KLHL32: variants seen among roughly 807,000 people sequenced by gnomAD.
KLHL32 encodes the protein kelch like family member 32, also known as kelch-like protein 32.
Under a neutral mutation model 64.8 loss-of-function variants are expected in KLHL32, and 35 were observed. That is an observed-to-expected ratio of 0.54 (90% CI 0.41 to 0.72). The LOEUF (loss-of-function observed/expected upper bound fraction) is 0.72, where lower values mean the gene tolerates loss of function less well. KLHL32 is among the 30% of genes least tolerant of loss of function. The pLI is 0.00. For synonymous variants in KLHL32, 259 were observed against 281.0 expected, an observed-to-expected ratio of 0.92 and a Z score of 0.78; for missense variants, 589 against 768.5, an observed-to-expected ratio of 0.77 and a Z score of 2.76.
intron 7 of KLHL32, among the ~76,000 whole-genome samples, chr6:97,121,189 T>C (rs1798325417): frequency 6.6e-6 from 1 of 152,218 alleles, no homozygotes; most frequent in Non-Finnish European, 1.5e-5. Context: ...ACACAGCTTA[T>C]AGCTGACAGA....
At chr6:97,068,154 T>G (rs1329460187) in intron 5 of KLHL32, among the ~76,000 whole-genome samples, 2 of 152,216 alleles carry the variant, frequency 1.3e-5, no homozygotes, top group African/African-American at 4.8e-5. Context: ...GATGTCTCTT[T>G]TTTGCCGTTA....
At chr6:96,985,701 G>A (rs564600896) in intron 3 of KLHL32, among the ~76,000 whole-genome samples, 6 of 151,964 alleles carry the variant, frequency 3.9e-5, no homozygotes, top group African/African-American at 7.3e-5. Context: ...CGTAGTTCTC[G>A]TGCCTTGGTT....
At chr6:96,964,528 C>A (rs1433362835) in intron 1 of KLHL32, among the ~76,000 whole-genome samples, 1 of 152,174 alleles carries the variant, frequency 6.6e-6, no homozygotes, top group Non-Finnish European at 1.5e-5. Context: ...TGGCCGGCGC[C>A]TGTAGTCCCA....
At chr6:97,130,976 G>T in intron 9 of KLHL32, 27 bp downstream of exon 9, 1 of 1,590,876 alleles carries the variant, frequency 6.3e-7, no homozygotes, top group Non-Finnish European at 8.6e-7. Context: ...AAGTAAATCA[G>T]GAAAAGTAGA....
chr6:97,074,079 C>A (rs532422797), intron 5 of KLHL32, among the ~76,000 whole-genome samples: 116 of 152,330 alleles, frequency 7.6e-4, no homozygotes, highest in African/African-American at 2.7e-3. Flanking sequence ...TCGGGTCACA[C>A]AGTTTGTTTG....
intron 8 of KLHL32, among the ~76,000 whole-genome samples, 157 bp downstream of exon 8, chr6:97,127,619 CTTTT>C (rs756647321): frequency 6.6e-6 from 1 of 152,050 alleles, no homozygotes; most frequent in Non-Finnish European, 1.5e-5. Flanking sequence ...TTTTTGGTTC[CTTTT>C]TTTGTTTTGT....
chr6:97,057,600 G>T (rs1410324145), intron 4 of KLHL32, among the ~76,000 whole-genome samples: 1 of 141,788 alleles, frequency 7.1e-6, no homozygotes, highest in African/African-American at 2.7e-5. Flanking sequence ...TTTTTTCATT[G>T]TTGAGTGTTA....
intron 6 of KLHL32, among the ~76,000 whole-genome samples, chr6:97,087,184 C>A (rs1252760088): frequency 6.6e-6 from 1 of 152,196 alleles, no homozygotes; most frequent in East Asian, 1.9e-4. Flanking sequence ...TCAATTTAGG[C>A]ATTCAGCAGG....
At chr6:97,037,746 ACATTACACTAT>A (rs1562267487) in intron 3 of KLHL32, among the ~76,000 whole-genome samples, 1 of 151,914 alleles carries the variant, frequency 6.6e-6, no homozygotes, top group African/African-American at 2.4e-5. Context: ...AAGAACAAAG[ACATTACACTAT>A]CAGATATCAC....
Position 96,977,946 on chromosome 6 carries a change from A to G in KLHL32, c.204+1769A>G, listed in dbSNP as rs143931228. 7.8e-4 allele frequency among the ~76,000 whole-genome samples: 119 copies of G among 152,300 alleles called. 2 individuals are homozygous for G. The East Asian group carries it at 0.011, about 15-fold the overall frequency. ...CCATTAATATAATTATACATTTCAC[A>G]CACCCTCACTCACATTGTCAGGTAT... On this transcript the variant is annotated intron_variant, in intron 3 of 10. Coordinates refer to ENST00000369261, the MANE Select transcript of KLHL32 (RefSeq NM_052904.4).
At chr6:97,057,933 T>C (rs75494165) in intron 4 of KLHL32, among the ~76,000 whole-genome samples, 4,463 of 152,300 alleles carry the variant, frequency 0.029, 234 homozygotes, top group African/African-American at 0.1. Context: ...ATTTGAGAGC[T>C]GTGTCCAGGT....
At chr6:97,125,302 C>T (rs9400583) in intron 7 of KLHL32, among the ~76,000 whole-genome samples, 4,494 of 152,232 alleles carry the variant, frequency 0.03, 123 homozygotes, top group East Asian at 0.17. Flanking sequence ...ATTATTCCAG[C>T]TCAGTTAAGG....
intron 9 of KLHL32, among the ~76,000 whole-genome samples, chr6:97,131,656 A>G (rs1247164433): frequency 1.3e-5 from 2 of 152,172 alleles, no homozygotes; most frequent in Non-Finnish European, 2.9e-5. Context: ...CTGCTCAAAT[A>G]ATAGGAAAAA....
At chr6:96,911,525 C>T in the KLHL32 span, among the ~76,000 whole-genome samples, 1 of 152,250 alleles carries the variant, frequency 6.6e-6, no homozygotes, top group East Asian at 1.9e-4. Context: ...TCCTCCAGTG[C>T]TGTCTCCTCT....
intron 4 of KLHL32, among the ~76,000 whole-genome samples, chr6:97,043,152 A>G (rs1463783785): frequency 6.6e-6 from 1 of 152,208 alleles, no homozygotes; most frequent in Non-Finnish European, 1.5e-5. Context: ...CATAAGCCAA[A>G]TAAACCTCTT....
the KLHL32 span, among the ~76,000 whole-genome samples, chr6:96,914,519 C>CT: frequency 5.3e-5 from 8 of 152,138 alleles, no homozygotes; most frequent in Non-Finnish European, 1.2e-4. Flanking sequence ...CCTCCCTGCA[C>CT]TATCGCCCTT....
At chr6:97,019,375 C>T (rs1781676494) in intron 3 of KLHL32, among the ~76,000 whole-genome samples, 2 of 152,208 alleles carry the variant, frequency 1.3e-5, no homozygotes, top group African/African-American at 2.4e-5. Flanking sequence ...TCAATGCAAG[C>T]CCAACGACAG....
intron 1 of KLHL32, among the ~76,000 whole-genome samples, chr6:96,962,532 C>A (rs1773989169): frequency 6.6e-6 from 1 of 152,112 alleles, no homozygotes; most frequent in African/African-American, 2.4e-5. Flanking sequence ...TATACACATT[C>A]TTGGTATTAA....
chr6:96,942,654 G>GGGGTGTGT (rs1554202843), intron 1 of KLHL32, among the ~76,000 whole-genome samples: 23 of 144,232 alleles, frequency 1.6e-4, no homozygotes, highest in African/African-American at 3.7e-4. Context: ...ACAGCTGTGG[G>GGGGTGTGT]GTGTGTGTGT....
Sources: allele counts gnomAD v4.1 joint callset (sites outside exome capture counted in the v4.1 genomes callset), GRCh38; gene constraint gnomAD v4.1.1; transcripts MANE v1.5; gene names NCBI Gene and HGNC (gene_info 2026-07-23, HGNC 2026-07-21).